The following RPS6KA6 variants were observed in gnomAD, a reference collection of about 807,000 sequenced individuals.
RPS6KA6 encodes the protein ribosomal protein S6 kinase A6, also known as ribosomal protein S6 kinase alpha-6.
Under a neutral mutation model 65.4 loss-of-function variants are expected in RPS6KA6, and 27 were observed. The observed-to-expected ratio is 0.41, with a 90% CI of 0.30 to 0.57. The LOEUF is 0.57. Ranked by LOEUF, RPS6KA6 falls within the 20% of genes least tolerant of loss-of-function variation. The pLI is 0.24. For synonymous variants in RPS6KA6, 190 were observed against 184.2 expected, an observed-to-expected ratio of 1.03 and a Z score of -0.26; for missense variants, 486 against 555.6, an observed-to-expected ratio of 0.87 and a Z score of 1.26.
At chrX:84,122,438 C>T in intron 8 of RPS6KA6, among the ~76,000 whole-genome samples, 1 of 82,173 alleles carries the variant, frequency 1.2e-5, no homozygotes, top group East Asian at 4.5e-4. Flanking sequence ...TCAAGTGATT[C>T]TCCTGCCTCA....
At chrX:84,144,289 G>C (rs969604355) in intron 6 of RPS6KA6, among the ~76,000 whole-genome samples, 23 of 110,142 alleles carry the variant, frequency 2.1e-4, no homozygotes, top group Non-Finnish European at 3.6e-4. Flanking sequence ...ATATGATCAA[G>C]GACTTACATC....
chrX:84,114,434 G>A (rs767393364), intron 12 of RPS6KA6, among the ~76,000 whole-genome samples: 1 of 111,023 alleles, frequency 9.0e-6, no homozygotes, highest in Non-Finnish European at 1.9e-5. Flanking sequence ...GCTGCAGTGA[G>A]CTGTGATTGT....
At chrX:84,154,715 T>C (rs1197662421) in intron 3 of RPS6KA6, among the ~76,000 whole-genome samples, 1 of 110,860 alleles carries the variant, frequency 9.0e-6, no homozygotes, top group Non-Finnish European at 1.9e-5. Flanking sequence ...AGTTTTTCTC[T>C]CCTCAGAACA....
intron 15 of RPS6KA6, among the ~76,000 whole-genome samples, chrX:84,106,099 G>A (rs751260149): frequency 1.2e-4 from 13 of 111,346 alleles, no homozygotes; most frequent in South Asian, 3.7e-4. Context: ...CAATGATGAC[G>A]TGATTGTAAT....
chrX:84,100,303 A>ATG (rs1425000685), intron 18 of RPS6KA6, among the ~76,000 whole-genome samples: 31 of 111,054 alleles, frequency 2.8e-4, no homozygotes, highest in African/African-American at 9.8e-4. Context: ...GTTGGGAAAA[A>ATG]AACATCAATG....
chrX:84,108,177 C>A (rs1024208891), intron 12 of RPS6KA6, among the ~76,000 whole-genome samples: 1 of 111,953 alleles, frequency 8.9e-6, no homozygotes, highest in African/African-American at 3.2e-5. Flanking sequence ...ATCTATCTTG[C>A]TAAAATCTAT....
At chrX:84,156,021 T>A in intron 3 of RPS6KA6, 54 bp downstream of exon 3, 2 of 685,888 alleles carry the variant, frequency 2.9e-6, no homozygotes, top group Admixed American at 2.4e-5. Flanking sequence ...TGTGTTCACT[T>A]TTTTTGCTAA....
At chrX:84,123,748 G>A (rs757665740) in intron 8 of RPS6KA6, among the ~76,000 whole-genome samples, 4 of 112,181 alleles carry the variant, frequency 3.6e-5, no homozygotes, top group South Asian at 3.7e-4. Flanking sequence ...GGTCCTGCCC[G>A]GGGCCTGGGG....
At chrX:84,148,435 CATT>C (rs201841834) in intron 3 of RPS6KA6, among the ~76,000 whole-genome samples, 5,597 of 110,894 alleles carry the variant, frequency 0.05, 198 homozygotes, top group East Asian at 0.2. Flanking sequence ...CTATAATTTA[CATT>C]ATTATTTTCT....
At chrX:84,177,692 CA>C (rs1414239547) in intron 1 of RPS6KA6, among the ~76,000 whole-genome samples, 1 of 112,395 alleles carries the variant, frequency 8.9e-6, no homozygotes, top group Non-Finnish European at 1.9e-5. Flanking sequence ...TATCATTAAC[CA>C]AGGTTAAAGA....
intron 20 of RPS6KA6, among the ~76,000 whole-genome samples, chrX:84,083,619 C>T (rs935562264): frequency 8.9e-6 from 1 of 112,350 alleles, no homozygotes; most frequent in African/African-American, 3.2e-5. Context: ...TCCAGTCTAT[C>T]ATTGATGGGC....
At chrX:84,184,560 C>T (rs1303865786) in intron 1 of RPS6KA6, among the ~76,000 whole-genome samples, 1 of 111,290 alleles carries the variant, frequency 9.0e-6, no homozygotes, top group Non-Finnish European at 1.9e-5. Flanking sequence ...TGGCATGGAG[C>T]TCGGACAAGA....
intron 1 of RPS6KA6, among the ~76,000 whole-genome samples, chrX:84,177,302 T>C (rs1398619426): frequency 8.9e-6 from 1 of 111,954 alleles, no homozygotes; most frequent in Non-Finnish European, 1.9e-5. Context: ...GCAGATGTGA[T>C]ATATTTAAAA....
rs1285490877 is a variant in RPS6KA6 at position 84,058,466 on chromosome X, G to A, written c.*5811C>T. On this transcript the variant is annotated 3_prime_UTR_variant, in exon 22 of 22. Transcript: ENST00000262752. ...GAACAAAAATAAATATAACTTCTATGTCTTCTTTGGCATGTTGTAAATTCA... is the reference window on the plus strand; with the variant it reads ...GAACAAAAATAAATATAACTTCTATATCTTCTTTGGCATGTTGTAAATTCA... 1 of 112,071 alleles carries A rather than the reference G, an allele frequency of 8.9e-6. No individual in the cohort carries two copies. Among genetic ancestry groups the A allele is most frequent in the Non-Finnish European group, 1.9e-5 (1 of 53,201 alleles). 9.2% of individuals were successfully genotyped at this position (112,071 alleles called of 1,213,427 possible).
intron 20 of RPS6KA6, among the ~76,000 whole-genome samples, chrX:84,081,662 C>T (rs1425087722): frequency 1.9e-5 from 2 of 107,348 alleles, no homozygotes; most frequent in Non-Finnish European, 4.0e-5. Flanking sequence ...GAAACAACAA[C>T]ATATCCCAGA....
chrX:84,187,686 G>A, intron 1 of RPS6KA6, 133 bp downstream of exon 1: 5 of 559,924 alleles, frequency 8.9e-6, no homozygotes, highest in Non-Finnish European at 1.4e-5. Flanking sequence ...AAGGGCAGTG[G>A]AGGCAGCATC....
At chrX:84,156,694 A>G (rs1271298230) in intron 2 of RPS6KA6, among the ~76,000 whole-genome samples, 2 of 111,788 alleles carry the variant, frequency 1.8e-5, no homozygotes, top group Non-Finnish European at 3.8e-5. Flanking sequence ...CAGAGCCCCA[A>G]CAAATGTTTC....
At chrX:84,139,624 C>T (rs2035059890) in intron 6 of RPS6KA6, among the ~76,000 whole-genome samples, 1 of 111,570 alleles carries the variant, frequency 9.0e-6, no homozygotes, top group African/African-American at 3.3e-5. Flanking sequence ...GTAGCTCTCC[C>T]ACATTCTACA....
Position 84,064,033 on chromosome X carries a change from G to C in RPS6KA6, c.*244C>G, listed in dbSNP as rs774737487. On this transcript the variant is annotated 3_prime_UTR_variant, in exon 22 of 22. Transcript: ENST00000262752. ...TTAGAAGCTTGTGTGCAGAGAAGTT[G>C]TGAGGACCTGGTGGACACCAATTAT... 32 of 294,008 alleles carry C rather than the reference G, an allele frequency of 1.1e-4. No individual in the cohort carries two copies. The highest frequency in any genetic ancestry group is 1.7e-4 in the Non-Finnish European group (29 of 170,582). The allele number at this position is 294,008 out of a possible 1,213,427, so 24.2% of individuals were successfully genotyped here.
Sources: gnomAD v4.1 joint callset for allele counts (sites outside exome capture counted in the v4.1 genomes callset) on GRCh38, gnomAD v4.1.1 for gene constraint, MANE v1.5 for transcripts, NCBI Gene and HGNC (gene_info 2026-07-23, HGNC 2026-07-21) for gene names.